Variants in NAA38 observed in about 807,000 individuals in gnomAD.
NAA38 encodes LSM domain containing 1.
Under a neutral mutation model 12.6 loss-of-function variants are expected in NAA38, and 15 were observed. The ratio of observed to expected loss-of-function variants is 1.19; its 90% CI spans 0.79 to 1.83. The LOEUF (loss-of-function observed/expected upper bound fraction) is 1.83, where lower values mean the gene tolerates loss of function less well. Ranked by LOEUF, NAA38 falls within the 40% of genes most tolerant of loss-of-function variation. NAA38 has a pLI of 0.00. For synonymous variants in NAA38, 88 were observed against 69.9 expected (o/e 1.26, Z -1.29); for missense variants, 183 against 171.7 (o/e 1.07, Z -0.37).
upstream of NAA38, chr17:7,858,934 T>C: frequency 2.8e-6 from 3 of 1,059,894 alleles, no homozygotes; most frequent in Non-Finnish European, 3.9e-6. Context: ...GTGTATTTTC[T>C]GTCCTTTACA....
In NAA38 at chr17:7,857,005, G is replaced by A. The variant is rs866477155; in HGVS notation, c.265+10C>T. 1 of 1,599,856 alleles carries A rather than the reference G, an allele frequency of 6.3e-7. No homozygotes were observed. ...ATTACCAGGCGGGTGTGCATTCCCCGGGCACTGACCCGACGGCTTGAGGAA... is the reference window on the plus strand; with the variant it reads ...ATTACCAGGCGGGTGTGCATTCCCCAGGCACTGACCCGACGGCTTGAGGAA... On this transcript the variant is annotated intron_variant, in intron 2 of 2. Transcript: ENST00000575771.
chr17:7,873,096 T>C (rs1217839316), intron 2 of NAA38, among the ~76,000 whole-genome samples: 1 of 152,190 alleles, frequency 6.6e-6, no homozygotes, highest in Non-Finnish European at 1.5e-5. Context: ...TTGGTAATAT[T>C]AGGGCTTCAC....
intron 2 of NAA38, among the ~76,000 whole-genome samples, chr17:7,871,745 C>G (rs182677274): frequency 1.0e-3 from 157 of 152,230 alleles, no homozygotes; most frequent in Non-Finnish European, 2.0e-3. Context: ...ACCTCCGCCT[C>G]CCGAGTTCAA....
chr17:7,859,871 G>T, upstream of NAA38: 1 of 485,422 alleles, frequency 2.1e-6, no homozygotes, highest in Non-Finnish European at 3.7e-6. Context: ...TGTAGAAGAG[G>T]ATAGTCAGAG....
At chr17:7,867,234 T>C (rs1045062239) in intron 2 of NAA38, among the ~76,000 whole-genome samples, 5 of 151,830 alleles carry the variant, frequency 3.3e-5, no homozygotes, top group African/African-American at 1.2e-4. Flanking sequence ...GACCAAATCA[T>C]AGAAGGCTTT....
chr17:7,859,533 T>C, upstream of NAA38: 1 of 1,614,180 alleles, frequency 6.2e-7, no homozygotes, highest in Non-Finnish European at 8.5e-7. Flanking sequence ...GAGGAAGAAT[T>C]TGACTATCTC....
upstream of NAA38, chr17:7,857,780 CAGAG>C (rs139451465): frequency 3.9e-6 from 5 of 1,290,252 alleles, no homozygotes; most frequent in African/African-American, 1.5e-5. Flanking sequence ...TTTTCTGTCT[CAGAG>C]AGATAGTCTG....
intron 2 of NAA38, among the ~76,000 whole-genome samples, chr17:7,869,879 A>G (rs966628028): frequency 1.3e-5 from 2 of 152,238 alleles, no homozygotes; most frequent in African/African-American, 4.8e-5. Context: ...AGCATTTCCC[A>G]TGACAAATTT....
At position 7,856,967 on chromosome 17, in the gene NAA38, A is replaced by C. The variant is rs768545749; in HGVS notation, c.265+48T>G. 3 of 1,587,718 alleles carry C rather than the reference A, an allele frequency of 1.9e-6. No homozygotes were observed. In the Admixed American group the frequency reaches 5.1e-5, roughly 27 times the overall value. On this transcript the variant is annotated intron_variant, in intron 2 of 2. Coordinates refer to ENST00000575771, the MANE Select transcript of NAA38 (RefSeq NM_001320925.4). ...GCCCTTAAGGGGAAATGCCTTGCGTAAGGTTCCGCCACATTACCAGGCGGG... is the reference window on the plus strand; with the variant it reads ...GCCCTTAAGGGGAAATGCCTTGCGTCAGGTTCCGCCACATTACCAGGCGGG...
chr17:7,864,470 ATT>A (rs890100530), intron 3 of NAA38: 1 of 152,062 alleles, frequency 6.6e-6, no homozygotes, highest in African/African-American at 2.4e-5. Context: ...CTAATTCTTT[ATT>A]TTTTTGTAGA....
At chr17:7,881,417 A>G (rs536551228) in intron 2 of NAA38, among the ~76,000 whole-genome samples, 52 of 152,208 alleles carry the variant, frequency 3.4e-4, no homozygotes, top group African/African-American at 1.2e-3. Context: ...CTGAGGAACC[A>G]GAAAGACAGA....
chr17:7,857,505 C>T lies in NAA38; in HGVS notation c.-42G>A. The T allele has an allele frequency of 6.7e-7, 1 of 1,486,272 alleles. No homozygotes were observed. The highest frequency in any genetic ancestry group is 1.5e-5 in the South Asian group (1 of 68,792). 92.1% of individuals were successfully genotyped at this position (1,486,272 alleles called of 1,614,324 possible). A position where few individuals can be genotyped will look rare whatever the true frequency, so the allele number is the denominator to read the frequency against. On this transcript the variant is annotated 5_prime_UTR_variant, in exon 1 of 3. The change creates a new upstream start codon in the 5' untranslated region. Coordinates refer to ENST00000575771, the MANE Select transcript of NAA38 (RefSeq NM_001320925.4). ...TCTGGGCCTTTCAACTTCCTAAGCA[C>T]CTTTCAGGTTGGGTGGTCCGAGATC... is the stretch of plus-strand genomic sequence containing the variant.
At chr17:7,860,147 CT>C (rs57736014), upstream of NAA38, 26,213 of 146,890 alleles carry the variant, frequency 0.18, 2,614 homozygotes, top group African/African-American at 0.26. Context: ...CATATACCCT[CT>C]TTTTTTTTTT....
In NAA38 at chr17:7,885,064, G is replaced by GCCGCCGCCCCCGCCC. The variant is rs1555603528; in HGVS notation, c.-167+100_-167+101insGGGCGGGGGCGGCGG. On this transcript the variant is annotated intron_variant, in intron 1 of 4. Coordinates refer to the NAA38 transcript ENST00000576861. ...CGCCGCCGCCACCGCTGCCCCCGCC[G>GCCGCCGCCCCCGCCC]CCGCCGCCCCCGCCGCCAGGTAAGC... 2.6e-5 allele frequency: 26 copies of GCCGCCGCCCCCGCCC among 983,566 alleles called. No homozygotes were observed. The Admixed American group carries it at 1.6e-3, about 62-fold the overall frequency. The allele number at this position is 983,566 out of a possible 1,614,324, so 60.9% of individuals were successfully genotyped here. A position where few individuals can be genotyped will look rare whatever the true frequency, so the allele number is the denominator to read the frequency against.
chr17:7,859,246 G>C, upstream of NAA38: 1 of 670,416 alleles, frequency 1.5e-6, no homozygotes, highest in Non-Finnish European at 2.5e-6. Flanking sequence ...TTGCATGCTG[G>C]AGTTTCAGCT....
At chr17:7,859,820 G>A (rs2151386579), upstream of NAA38, 2 of 565,316 alleles carry the variant, frequency 3.5e-6, no homozygotes, top group Non-Finnish European at 6.3e-6. Context: ...ATTAATCTTT[G>A]GGAATGATAC....
At chr17:7,859,612 G>A (rs773081847), upstream of NAA38, 4 of 1,613,764 alleles carry the variant, frequency 2.5e-6, no homozygotes, top group South Asian at 3.3e-5. Flanking sequence ...CGGAGTTGTA[G>A]GCAAGGAGAT....
In NAA38 at chr17:7,857,085, G is replaced by C; in HGVS notation, c.195C>G (p.Gly65=). 1.2e-6 allele frequency: 2 copies of C among 1,613,582 alleles called. No homozygotes were observed. The highest frequency in any genetic ancestry group is 1.7e-6 in the Non-Finnish European group (2 of 1,180,042). ...IRMTDGRTLV[G]CFLCTDRDCN... is the part of the protein sequence containing the mutation. ...AGTCACGGTCAGTGCAGAGGAAGCA[G>C]CCGACCAGTGTCCGTCCATCTGTCA... The change falls in exon 2 of 3, where the codon GGC becomes GGG. Residue 65 remains glycine, a synonymous_variant. Transcript: ENST00000575771.
At chr17:7,858,857 G>A (rs1253346529), upstream of NAA38, 2 of 1,491,366 alleles carry the variant, frequency 1.3e-6, no homozygotes. Flanking sequence ...AGGTTAGAAG[G>A]AATGGGGAAT....
Sources: gnomAD v4.1 joint callset for allele counts (sites outside exome capture counted in the v4.1 genomes callset) on GRCh38, gnomAD v4.1.1 for gene constraint, MANE v1.5 for transcripts, NCBI Gene and HGNC (gene_info 2026-07-23, HGNC 2026-07-21) for gene names.